The following LDB1 variants were observed in gnomAD, a reference collection of about 807,000 sequenced individuals.
The protein encoded by LDB1 is LIM domain-binding protein 1.
In LDB1, 6 loss-of-function variants were observed where a neutral mutation model predicts 49.7. That is an observed-to-expected ratio of 0.12 (90% CI 0.07 to 0.24). The LOEUF (loss-of-function observed/expected upper bound fraction) is 0.24, where lower values mean the gene tolerates loss of function less well. LDB1 is among the 10% of genes least tolerant of loss of function. The probability of loss-of-function intolerance (pLI) is 1.00; values close to 1 mark genes in which losing one functional copy is unlikely to be tolerated. For missense variants in LDB1, 341 were observed against 561.7 expected, an observed-to-expected ratio of 0.61 and a Z score of 3.97; for synonymous variants, 233 against 202.0, an observed-to-expected ratio of 1.15 and a Z score of -1.30.
At chr10:102,114,559 C>T (rs1287496356) in intron 1 of LDB1, 5 of 985,578 alleles carry the variant, frequency 5.1e-6, no homozygotes, top group Admixed American at 6.1e-5. Flanking sequence ...GTCCGCCGGC[C>T]GCACAAAGAC....
intron 1 of LDB1, 32 bp downstream of exon 1, chr10:102,120,054 G>C (rs1227995725): frequency 3.5e-6 from 5 of 1,424,728 alleles, no homozygotes; most frequent in Non-Finnish European, 4.7e-6. Context: ...GGCTGGGCAG[G>C]AAGGGGCCGA....
chr10:102,108,835 GAGTC>G, intron 10 of LDB1, 190 bp downstream of exon 10: 1 of 689,746 alleles, frequency 1.4e-6, no homozygotes, highest in Non-Finnish European at 2.5e-6. Flanking sequence ...TCCTATGGCT[GAGTC>G]TGTGTGATCA....
chr10:102,121,030 A>G (rs2068413533), upstream of LDB1, among the ~76,000 whole-genome samples: 3 of 152,100 alleles, frequency 2.0e-5, no homozygotes, highest in Admixed American at 2.0e-4. Context: ...CCTTCCCTAA[A>G]TTAACCACTC....
intron 1 of LDB1, among the ~76,000 whole-genome samples, chr10:102,115,558 T>G (rs996531841): frequency 1.3e-5 from 2 of 151,960 alleles, no homozygotes; most frequent in Non-Finnish European, 1.5e-5. Context: ...CCCAGCTAAA[T>G]TCCAAGCCTT....
downstream of LDB1, among the ~76,000 whole-genome samples, chr10:102,106,165 G>A (rs1353673014): frequency 6.6e-6 from 1 of 151,924 alleles, no homozygotes; most frequent in Non-Finnish European, 1.5e-5. Context: ...CCAGGAACCT[G>A]CCCCAGGAGG....
At chr10:102,105,706 A>G (rs781189242), downstream of LDB1, among the ~76,000 whole-genome samples, 18 of 151,832 alleles carry the variant, frequency 1.2e-4, no homozygotes, top group Admixed American at 2.0e-4. Context: ...CCACGCCTAT[A>G]ATCCTAGTAC....
intron 2 of LDB1, 27 bp from the exon 3 acceptor site, chr10:102,111,327 T>TG: frequency 6.2e-7 from 1 of 1,612,652 alleles, no homozygotes; most frequent in Non-Finnish European, 8.5e-7. Flanking sequence ...GCTATGAGAA[T>TG]GGGGGTTGAA....
intron 1 of LDB1, chr10:102,114,785 G>T: frequency 2.1e-6 from 2 of 961,316 alleles, no homozygotes; most frequent in Non-Finnish European, 2.5e-6. Flanking sequence ...CCCCGCCGCC[G>T]CCTCTTGCTG....
intron 3 of LDB1, 43 bp from the exon 4 acceptor site, chr10:102,111,187 C>T (rs1420210345): frequency 6.2e-7 from 1 of 1,608,140 alleles, no homozygotes; most frequent in South Asian, 1.1e-5. Flanking sequence ...GCGGAGCCTG[C>T]CCCCTCCACC....
At chr10:102,116,071 TACTC>T (rs2068332986) in intron 1 of LDB1, among the ~76,000 whole-genome samples, 1 of 152,194 alleles carries the variant, frequency 6.6e-6, no homozygotes, top group African/African-American at 2.4e-5. Flanking sequence ...TCTTATGACA[TACTC>T]ACTAGTTAAC....
Position 102,110,582 on chromosome 10 carries a change from C to T in LDB1, c.472G>A (p.Asp158Asn), listed in dbSNP as rs1392988031. 3.7e-6 allele frequency: 6 copies of T among 1,613,966 alleles called. No homozygotes were observed. The highest frequency in any genetic ancestry group is 5.1e-6 in the Non-Finnish European group (6 of 1,179,986). Residue 158 changes from aspartate to asparagine, a missense_variant, in exon 6 of 11, where the codon GAC (aspartate) becomes AAC (asparagine). Around this residue, in one of 5 missense-constraint regions of LDB1, gnomAD observed 233 missense variants for 385.7 expected, o/e 0.60. Transcript: ENST00000673968. Reference sequence around the variant, plus strand: ...GTCACCATGCTGCCCTGGTCACAGTCGAGGGACACAAAGTTGCTGTGGAAT... The same window carrying T: ...GTCACCATGCTGCCCTGGTCACAGTTGAGGGACACAAAGTTGCTGTGGAAT... ...EAFHSNFVSL[D>N]CDQGSMVTQH...
rs1309946472 is a variant in LDB1, at chr10:102,112,768, C to G, written c.26-1232G>C. On this transcript the variant is annotated intron_variant, in intron 1 of 10. Coordinates refer to ENST00000673968, the MANE Select transcript of LDB1 (RefSeq NM_001113407.3). The stretch of plus-strand genomic sequence containing the variant: ...GGTGGTCTGGGAAGAAGCCTATGTT[C>G]CTCAGTCTAGGGGCAAGTGGTCACT... Among the ~76,000 whole-genome samples, 3 of 152,164 alleles carry G rather than the reference C, an allele frequency of 2.0e-5. No homozygotes were observed. The South Asian group carries it at 6.2e-4, about 32-fold the overall frequency.
rs1431153719 is a variant in LDB1, at chr10:102,107,156, G to A, written c.*937C>T. Among the ~76,000 whole-genome samples, 4 of 152,126 alleles carry A rather than the reference G, an allele frequency of 2.6e-5. No homozygotes were observed. The highest frequency in any genetic ancestry group is 1.3e-4 in the Admixed American group (2 of 15,272). On this transcript the variant is annotated 3_prime_UTR_variant, in exon 11 of 11. Coordinates refer to ENST00000673968, the MANE Select transcript of LDB1 (RefSeq NM_001113407.3). ...TTCTCTCCACGCTCCCTAAGGGAAGGAGCCTCCCCTCCCCGCATCCTAGAC... is the reference window on the plus strand; with the variant it reads ...TTCTCTCCACGCTCCCTAAGGGAAGAAGCCTCCCCTCCCCGCATCCTAGAC...
chr10:102,109,709 G>T lies in LDB1; in HGVS notation c.649-26C>A. 6.2e-7 allele frequency: 1 copy of T among 1,609,496 alleles called. No homozygotes were observed. The highest frequency in any genetic ancestry group is 1.1e-5 in the South Asian group (1 of 90,850). ...CTAGAGTGGGAGAAAAGACAAGAAA[G>T]AACACTGACACCTGGGTTGCCTCTG... On this transcript the variant is annotated intron_variant, in intron 7 of 10. Transcript: ENST00000673968. The surrounding 1 kb of genome is among the most constrained non-coding windows in gnomAD (Gnocchi z 5.8).
chr10:102,114,072 C>T (rs767780561), intron 1 of LDB1, among the ~76,000 whole-genome samples: 4 of 152,224 alleles, frequency 2.6e-5, no homozygotes, highest in Non-Finnish European at 5.9e-5. Context: ...ATGTGTCATC[C>T]AGCCCTGGAG....
At position 102,119,299 on chromosome 10, in the gene LDB1, C is replaced by T. The variant is rs539937091; in HGVS notation, c.25+787G>A. Among the ~76,000 whole-genome samples, 22 of 133,984 alleles carry T rather than the reference C, an allele frequency of 1.6e-4. No individual in the cohort carries two copies. The East Asian group carries it at 2.8e-3, about 17-fold the overall frequency. 87.9% of individuals were successfully genotyped at this position (133,984 alleles called of 152,430 possible). On this transcript the variant is annotated intron_variant, in intron 1 of 10. Transcript: ENST00000673968. ...CTGGCAGTGAGGTAGACGCCCTCCG[C>T]CCCCCCCACCTGCCCCCCAGGAAAA...
rs201759181 is a variant in LDB1, at chr10:102,108,193, T to C, written c.1136A>G (p.Asn379Ser). The C allele has an allele frequency of 1.2e-6, 2 of 1,614,050 alleles. No homozygotes were observed. The highest frequency in any genetic ancestry group is 2.2e-5 in the South Asian group (2 of 91,086). The change falls in exon 11 of 11, where the codon AAC becomes AGC. Residue 379 changes from asparagine to serine, a missense_variant. Physicochemically the swap from Asn to Ser is conservative, Grantham distance 46. Coordinates refer to ENST00000673968, the MANE Select transcript of LDB1 (RefSeq NM_001113407.3). The part of the protein sequence containing the change: ...ANGIDDEDSF[N>S]NSPALGANSP... ...GTTGGCGCCCAGTGCAGGGGAGTTG[T>C]TAAAGCTGTCCTCGTCGTCAATGCC...
chr10:102,105,066 CATAT>C (rs1369487963), downstream of LDB1, among the ~76,000 whole-genome samples: 1 of 152,184 alleles, frequency 6.6e-6, no homozygotes, highest in African/African-American at 2.4e-5. Flanking sequence ...CTTACCTGCA[CATAT>C]AAACAGATCC....
intron 1 of LDB1, among the ~76,000 whole-genome samples, chr10:102,115,741 G>T (rs927971435): frequency 3.9e-5 from 6 of 152,070 alleles, no homozygotes; most frequent in African/African-American, 1.4e-4. Flanking sequence ...AAAAAAAAAC[G>T]TGTGGTTAGT....
Sources: gnomAD v4.1 joint callset for allele counts (sites outside exome capture counted in the v4.1 genomes callset) on GRCh38, gnomAD v4.1.1 for gene constraint, gnomAD v4.1.1 regional missense constraint, Gnocchi (gnomAD v3.1) non-coding constraint, MANE v1.5 for transcripts, NCBI Gene and HGNC (gene_info 2026-07-23, HGNC 2026-07-21) for gene names.